NXPE2: variants seen among roughly 807,000 people sequenced by gnomAD.
NXPE2 encodes the protein neurexophilin and PC-esterase domain family member 2.
In NXPE2, 34 loss-of-function variants were observed where a neutral mutation model predicts 34.4. The ratio of observed to expected loss-of-function variants is 0.99; its 90% CI spans 0.75 to 1.31. The LOEUF (loss-of-function observed/expected upper bound fraction) is 1.31, where lower values mean the gene tolerates loss of function less well. Among genes scored for constraint, NXPE2 ranks in the 40% most tolerant of loss-of-function variants. The pLI, the probability that NXPE2 is intolerant of heterozygous loss-of-function variation, is 0.00. For missense variants in NXPE2, 649 were observed against 672.5 expected (o/e 0.97, Z 0.39); for synonymous variants, 235 against 231.3 (o/e 1.02, Z -0.15).
chr11:114,695,149 G>C (rs1210290142), intron 2 of NXPE2, among the ~76,000 whole-genome samples: 1 of 152,132 alleles, frequency 6.6e-6, no homozygotes, highest in East Asian at 1.9e-4. Context: ...ATTTCCTCCA[G>C]TGTCCATGTT....
chr11:114,666,933 C>G, the NXPE2 span, among the ~76,000 whole-genome samples: 3 of 152,128 alleles, frequency 2.0e-5, no homozygotes, highest in East Asian at 5.8e-4. Flanking sequence ...AAAAACACCC[C>G]TGCACACATC....
chr11:114,705,398 A>G (rs975850448), intron 4 of NXPE2, among the ~76,000 whole-genome samples: 3 of 152,186 alleles, frequency 2.0e-5, no homozygotes, highest in South Asian at 2.1e-4. Flanking sequence ...GAGATTTACA[A>G]TTCAGCGAGG....
At chr11:114,636,350 C>G in the NXPE2 span, among the ~76,000 whole-genome samples, 1 of 151,762 alleles carries the variant, frequency 6.6e-6, no homozygotes. Context: ...TGATTCTTCT[C>G]TCTTTTTTTC....
the NXPE2 span, among the ~76,000 whole-genome samples, chr11:114,654,050 G>C: frequency 2.6e-5 from 4 of 152,286 alleles, no homozygotes; most frequent in Non-Finnish European, 4.4e-5. Context: ...GTTATGTTTG[G>C]TAATGACAAT....
the NXPE2 span, among the ~76,000 whole-genome samples, chr11:114,779,603 C>T: frequency 6.6e-6 from 1 of 152,152 alleles, no homozygotes; most frequent in African/African-American, 2.4e-5. Flanking sequence ...GGGACAGTTT[C>T]TGGCTTTGTT....
chr11:114,601,920 A>G, the NXPE2 span, among the ~76,000 whole-genome samples: 3 of 55,066 alleles, frequency 5.4e-5, no homozygotes, highest in African/African-American at 1.9e-4. Context: ...ATAATTATAT[A>G]TAATATATTT....
chr11:114,804,414 C>G, the NXPE2 span, among the ~76,000 whole-genome samples: 3 of 152,214 alleles, frequency 2.0e-5, no homozygotes, highest in Non-Finnish European at 4.4e-5. Flanking sequence ...TGATCAAATC[C>G]TTGCCTACCA....
chr11:114,737,489 G>T, the NXPE2 span, among the ~76,000 whole-genome samples: 1 of 152,072 alleles, frequency 6.6e-6, no homozygotes, highest in Non-Finnish European at 1.5e-5. Flanking sequence ...AATATAATAA[G>T]CAACACTTCT....
the NXPE2 span, among the ~76,000 whole-genome samples, chr11:114,549,473 A>G: frequency 6.6e-6 from 1 of 152,062 alleles, no homozygotes; most frequent in Non-Finnish European, 1.5e-5. Flanking sequence ...TCACATTAAT[A>G]CAGCTAATGT....
chr11:114,690,755 C>T (rs769969318), intron 2 of NXPE2, among the ~76,000 whole-genome samples: 11 of 152,002 alleles, frequency 7.2e-5, no homozygotes, highest in Non-Finnish European at 1.3e-4. Flanking sequence ...TTACATAATC[C>T]CTTATTTCTC....
chr11:114,685,216 C>G (rs1951024355), intron 2 of NXPE2, among the ~76,000 whole-genome samples: 1 of 152,016 alleles, frequency 6.6e-6, no homozygotes, highest in Non-Finnish European at 1.5e-5. Flanking sequence ...GGTTTTAGTC[C>G]ATTCAAGCTG....
At chr11:114,805,383 G>A in the NXPE2 span, among the ~76,000 whole-genome samples, 5 of 152,156 alleles carry the variant, frequency 3.3e-5, no homozygotes, top group African/African-American at 4.8e-5. Context: ...CCGAAGCAGG[G>A]CAAGGCATCG....
chr11:114,632,587 G>A, the NXPE2 span, among the ~76,000 whole-genome samples: 1 of 101,086 alleles, frequency 9.9e-6, no homozygotes, highest in Non-Finnish European at 1.8e-5. Flanking sequence ...TATATTTATT[G>A]TATATTGATG....
the NXPE2 span, among the ~76,000 whole-genome samples, chr11:114,670,051 G>A: frequency 5.3e-5 from 8 of 152,120 alleles, no homozygotes; most frequent in Admixed American, 3.3e-4. Flanking sequence ...GCTAGGTAGA[G>A]CCCTATAGAA....
chr11:114,778,149 T>TTAAG, the NXPE2 span, among the ~76,000 whole-genome samples: 4 of 152,124 alleles, frequency 2.6e-5, no homozygotes, highest in African/African-American at 9.7e-5. Flanking sequence ...TAAACAATGT[T>TTAAG]TAAGTCAGGA....
At chr11:114,684,942 T>C (rs1517689) in intron 2 of NXPE2, among the ~76,000 whole-genome samples, 40,313 of 151,906 alleles carry the variant, frequency 0.27, 5,499 homozygotes, top group East Asian at 0.42. Context: ...GATATTGAAG[T>C]CTACCTGGAG....
chr11:114,635,671 T>A, the NXPE2 span, among the ~76,000 whole-genome samples: 1 of 151,898 alleles, frequency 6.6e-6, no homozygotes, highest in Non-Finnish European at 1.5e-5. Context: ...GTTTTTAGCC[T>A]GAAGTATTGT....
chr11:114,645,806 TCA>T, the NXPE2 span, among the ~76,000 whole-genome samples: 2 of 152,154 alleles, frequency 1.3e-5, no homozygotes, highest in African/African-American at 2.4e-5. Flanking sequence ...AGAATTCAAA[TCA>T]CAGTGACAGA....
the NXPE2 span, among the ~76,000 whole-genome samples, chr11:114,476,782 G>A: frequency 0.25 from 38,555 of 152,030 alleles, 5,030 homozygotes; most frequent in East Asian, 0.37. Flanking sequence ...CCCAACACCT[G>A]GAGATTACAA....
Sources: allele counts gnomAD v4.1 joint callset (sites outside exome capture counted in the v4.1 genomes callset), GRCh38; gene constraint gnomAD v4.1.1; transcripts MANE v1.5; gene names NCBI Gene and HGNC (gene_info 2026-07-23, HGNC 2026-07-21).